The following SIPA1L1 variants were observed in gnomAD, a reference collection of about 807,000 sequenced individuals.
The protein encoded by SIPA1L1 is signal induced proliferation associated 1 like 1.
Under a neutral mutation model 162.7 loss-of-function variants are expected in SIPA1L1, and 26 were observed. That is an observed-to-expected ratio of 0.16 (90% confidence interval 0.12 to 0.22). The LOEUF is 0.22. Ranked by LOEUF, SIPA1L1 falls within the 10% of genes least tolerant of loss-of-function variation. The pLI is 1.00. For synonymous variants in SIPA1L1, 829 were observed against 837.4 expected (o/e 0.99, Z 0.17); for missense variants, 1,874 against 2,241.0 (o/e 0.84, Z 3.31).
intron 2 of SIPA1L1, among the ~76,000 whole-genome samples, chr14:71,411,830 A>G (rs2042427868): frequency 6.6e-6 from 1 of 152,260 alleles, no homozygotes; most frequent in African/African-American, 2.4e-5. Flanking sequence ...CTGAGGATTC[A>G]GAAGACAAAG....
intron 2 of SIPA1L1, among the ~76,000 whole-genome samples, chr14:71,488,067 T>TA (rs1430908642): frequency 6.6e-6 from 1 of 152,186 alleles, no homozygotes; most frequent in Non-Finnish European, 1.5e-5. Flanking sequence ...TTTTGAATCT[T>TA]AAAGTCTGAT....
intron 2 of SIPA1L1, among the ~76,000 whole-genome samples, chr14:71,451,632 CAAAAAA>C (rs762968378): frequency 1.8e-5 from 1 of 54,392 alleles, no homozygotes. Context: ...GACCTTGTCT[CAAAAAA>C]AAAAAAAAAA....
At chr14:71,466,686 A>T (rs2047023335) in intron 2 of SIPA1L1, among the ~76,000 whole-genome samples, 1 of 151,848 alleles carries the variant, frequency 6.6e-6, no homozygotes, top group African/African-American at 2.4e-5. Context: ...GGAGATTTGT[A>T]TGCATTATGA....
chr14:71,647,295 A>G (rs1440416979), intron 7 of SIPA1L1, among the ~76,000 whole-genome samples: 1 of 152,132 alleles, frequency 6.6e-6, no homozygotes, highest in Non-Finnish European at 1.5e-5. Flanking sequence ...ACTAGGGTAT[A>G]GAATTCAGTC....
intron 2 of SIPA1L1, among the ~76,000 whole-genome samples, chr14:71,384,633 A>G (rs1595143840): frequency 6.6e-6 from 1 of 152,220 alleles, no homozygotes; most frequent in Non-Finnish European, 1.5e-5. Flanking sequence ...TTTGAATTTA[A>G]GGTAAGTTTC....
At chr14:71,721,974 C>T (rs975289958) in intron 17 of SIPA1L1, among the ~76,000 whole-genome samples, 4 of 152,242 alleles carry the variant, frequency 2.6e-5, no homozygotes, top group Non-Finnish European at 5.9e-5. Context: ...TGGCCCAGAG[C>T]TGGTCTAAAT....
chr14:71,723,296 C>T (rs912536063), intron 17 of SIPA1L1, among the ~76,000 whole-genome samples: 8 of 152,188 alleles, frequency 5.3e-5, no homozygotes, highest in Non-Finnish European at 7.3e-5. Flanking sequence ...GGCATGGAGA[C>T]GGTAGACCTT....
At chr14:71,679,603 A>G (rs1279333906) in intron 12 of SIPA1L1, among the ~76,000 whole-genome samples, 2 of 152,234 alleles carry the variant, frequency 1.3e-5, no homozygotes, top group African/African-American at 2.4e-5. Context: ...TTAAATGTAA[A>G]TGGGCTAAAT....
At chr14:71,561,252 T>C (rs1029573743) in intron 4 of SIPA1L1, among the ~76,000 whole-genome samples, 1 of 152,220 alleles carries the variant, frequency 6.6e-6, no homozygotes, top group Non-Finnish European at 1.5e-5. Flanking sequence ...GGTGTCACAA[T>C]GTACTTAATC....
chr14:71,370,753 A>G (rs944229213), intron 2 of SIPA1L1, among the ~76,000 whole-genome samples: 2 of 152,192 alleles, frequency 1.3e-5, no homozygotes, highest in African/African-American at 4.8e-5. Context: ...CTAGGATTCA[A>G]AGGTCTTGAT....
At chr14:71,425,669 G>C (rs2043506959) in intron 2 of SIPA1L1, among the ~76,000 whole-genome samples, 1 of 152,084 alleles carries the variant, frequency 6.6e-6, no homozygotes, top group Non-Finnish European at 1.5e-5. Flanking sequence ...CTTTTAAGAA[G>C]AATGTGTATA....
At chr14:71,717,688 A>C (rs1425750299) in intron 17 of SIPA1L1, among the ~76,000 whole-genome samples, 1 of 152,202 alleles carries the variant, frequency 6.6e-6, no homozygotes, top group Admixed American at 6.5e-5. Flanking sequence ...AATCTACTTC[A>C]GAGATTCTTA....
chr14:71,497,539 T>G (rs1299685330), intron 2 of SIPA1L1, among the ~76,000 whole-genome samples: 1 of 152,216 alleles, frequency 6.6e-6, no homozygotes, highest in Admixed American at 6.5e-5. Context: ...CATCCATTCC[T>G]GTAGTTTTTT....
intron 2 of SIPA1L1, among the ~76,000 whole-genome samples, chr14:71,392,068 C>T (rs897932406): frequency 4.6e-5 from 7 of 152,188 alleles, no homozygotes; most frequent in African/African-American, 1.4e-4. Context: ...AGAGTATCCA[C>T]CCATTCTCCT....
At chr14:71,397,572 T>G (rs958764818) in intron 2 of SIPA1L1, among the ~76,000 whole-genome samples, 2 of 152,218 alleles carry the variant, frequency 1.3e-5, no homozygotes, top group African/African-American at 4.8e-5. Flanking sequence ...TGTGACAATT[T>G]CTAATAAACC....
intron 2 of SIPA1L1, among the ~76,000 whole-genome samples, chr14:71,390,189 C>T (rs1300567052): frequency 6.6e-6 from 1 of 152,118 alleles, no homozygotes; most frequent in Non-Finnish European, 1.5e-5. Flanking sequence ...CTGTTTCATC[C>T]TAAATGTGTT....
chr14:71,326,428 C>G (rs1416268991), intron 2 of SIPA1L1, among the ~76,000 whole-genome samples: 1 of 151,660 alleles, frequency 6.6e-6, no homozygotes, highest in Admixed American at 6.6e-5. Context: ...AGGCTGGTCT[C>G]AAACTCCTGA....
At chr14:71,386,931 C>T (rs950898397) in intron 2 of SIPA1L1, among the ~76,000 whole-genome samples, 7 of 151,964 alleles carry the variant, frequency 4.6e-5, no homozygotes, top group Non-Finnish European at 8.8e-5. Context: ...CAGTAGCTGG[C>T]CCTTAGTTAT....
At chr14:71,702,959 ATTC>A (rs2082193282) in intron 15 of SIPA1L1, among the ~76,000 whole-genome samples, 2 of 152,212 alleles carry the variant, frequency 1.3e-5, no homozygotes, top group East Asian at 1.9e-4. Context: ...TTTAAAAAAA[ATTC>A]TTCTCACTCT....
Sources: gnomAD v4.1 joint callset for allele counts (sites outside exome capture counted in the v4.1 genomes callset) on GRCh38, gnomAD v4.1.1 for gene constraint, MANE v1.5 for transcripts, NCBI Gene and HGNC (gene_info 2026-07-23, HGNC 2026-07-21) for gene names.